HOOK3: variants seen among roughly 807,000 people sequenced by gnomAD.
HOOK3 encodes protein Hook homolog 3.
In HOOK3, 24 loss-of-function variants were observed where a neutral mutation model predicts 116.3. That is an observed-to-expected ratio of 0.21 (90% CI 0.15 to 0.29). HOOK3 has a LOEUF of 0.29. Among genes scored for constraint, HOOK3 ranks in the 10% least tolerant of loss-of-function variants. The probability of loss-of-function intolerance (pLI) is 1.00; values close to 1 mark genes in which losing one functional copy is unlikely to be tolerated. For missense variants in HOOK3, 632 were observed against 830.2 expected (o/e 0.76, Z 2.93); for synonymous variants, 275 against 283.0 (o/e 0.97, Z 0.28).
Position 42,973,315 on chromosome 8 carries a change from C to A in HOOK3, c.1149C>A (p.Ser383=), listed in dbSNP as rs374489492. ...RQVVELQNRL[S]EESKKADKLD... ...TAGTAGAACTACAAAACAGATTATCCGAAGAATCAAAGAAAGCAGATAAAC... is the reference window on the plus strand; with the variant it reads ...TAGTAGAACTACAAAACAGATTATCAGAAGAATCAAAGAAAGCAGATAAAC... Residue 383 remains serine (S), a synonymous_variant, in exon 12 of 22, where the codon TCC becomes TCA. Transcript: ENST00000307602. 2 of 1,610,382 alleles carry A rather than the reference C, an allele frequency of 1.2e-6. No homozygotes were observed.
At chr8:42,960,860 G>A (rs557719700) in intron 8 of HOOK3, among the ~76,000 whole-genome samples, 1 of 152,168 alleles carries the variant, frequency 6.6e-6, no homozygotes, top group African/African-American at 2.4e-5. Flanking sequence ...TGTGTACTAG[G>A]CAGTTTTTGT....
intron 3 of HOOK3, among the ~76,000 whole-genome samples, chr8:42,927,669 G>C (rs2130360680): frequency 6.6e-6 from 1 of 151,974 alleles, no homozygotes; most frequent in East Asian, 1.9e-4. Context: ...TAGTGGCACA[G>C]TCTCAGCTCA....
intron 21 of HOOK3, among the ~76,000 whole-genome samples, chr8:43,016,758 A>T (rs1441596797): frequency 6.6e-6 from 1 of 152,268 alleles, no homozygotes; most frequent in Non-Finnish European, 1.5e-5. Flanking sequence ...ATATTTGTCA[A>T]TTTTATTCAA....
chr8:42,909,391 A>G (rs536024469), intron 2 of HOOK3, among the ~76,000 whole-genome samples: 10 of 152,390 alleles, frequency 6.6e-5, no homozygotes, highest in East Asian at 1.9e-4. Context: ...TGGAAGCAAC[A>G]TAAGTGCCTA....
intron 11 of HOOK3, among the ~76,000 whole-genome samples, chr8:42,969,561 G>C (rs190857298): frequency 9.0e-4 from 137 of 152,296 alleles, no homozygotes; most frequent in Admixed American, 2.5e-3. Flanking sequence ...GGCCTCAGAG[G>C]CTACAGTGAG....
intron 4 of HOOK3, among the ~76,000 whole-genome samples, chr8:42,934,225 CCTT>C (rs1286719908): frequency 2.0e-5 from 3 of 152,006 alleles, no homozygotes; most frequent in African/African-American, 7.2e-5. Context: ...TGATTATACA[CCTT>C]CTTCTAGCTT....
At chr8:42,946,419 A>G (rs967736135) in intron 5 of HOOK3, among the ~76,000 whole-genome samples, 1 of 152,226 alleles carries the variant, frequency 6.6e-6, no homozygotes, top group Non-Finnish European at 1.5e-5. Context: ...TAATTGGAGT[A>G]TAGTGAGAAA....
intron 1 of HOOK3, among the ~76,000 whole-genome samples, chr8:42,905,295 CT>C (rs757313100): frequency 0.024 from 1,446 of 60,736 alleles, 12 homozygotes; most frequent in Middle Eastern, 0.045. Context: ...GGACATAGTT[CT>C]TTTTTTTTTT....
At chr8:42,938,038 G>A (rs1171703444) in intron 4 of HOOK3, among the ~76,000 whole-genome samples, 1 of 152,072 alleles carries the variant, frequency 6.6e-6, no homozygotes, top group Non-Finnish European at 1.5e-5. Flanking sequence ...CTCTTTATAG[G>A]TCTCTAAGAA....
chr8:42,961,946 C>T (rs1808541417), intron 8 of HOOK3, among the ~76,000 whole-genome samples: 1 of 152,010 alleles, frequency 6.6e-6, no homozygotes, highest in Non-Finnish European at 1.5e-5. Flanking sequence ...GCCACCACAC[C>T]CAGCTAATTC....
chr8:42,927,974 C>A (rs1326486932), intron 3 of HOOK3, among the ~76,000 whole-genome samples: 1 of 152,014 alleles, frequency 6.6e-6, no homozygotes, highest in African/African-American at 2.4e-5. Flanking sequence ...TGGTGAATCC[C>A]CGTTTCTAGT....
intron 4 of HOOK3, 61 bp from the exon 5 acceptor site, chr8:42,943,252 T>G: frequency 2.7e-6 from 1 of 375,598 alleles, no homozygotes; most frequent in Non-Finnish European, 3.9e-6. Flanking sequence ...CTCGATCAAG[T>G]TTTTTTTTTT....
At chr8:43,013,213 C>T in intron 20 of HOOK3, 58 bp downstream of exon 20, 1 of 1,437,844 alleles carries the variant, frequency 7.0e-7, no homozygotes, top group Non-Finnish European at 9.5e-7. Flanking sequence ...GTTTTGGGAG[C>T]CTTGTTATAT....
chr8:42,901,330 A>G (rs1044836996), intron 1 of HOOK3, among the ~76,000 whole-genome samples: 15 of 152,316 alleles, frequency 9.8e-5, no homozygotes, highest in Middle Eastern at 3.4e-3. Flanking sequence ...TTTCAGTTTT[A>G]TTGTACTGCT....
intron 15 of HOOK3, among the ~76,000 whole-genome samples, chr8:42,996,293 C>T (rs1045229889): frequency 8.1e-5 from 12 of 148,562 alleles, no homozygotes; most frequent in Admixed American, 1.4e-4. Flanking sequence ...GGCTGAGGCA[C>T]GAGGATTGCT....
intron 16 of HOOK3, 140 bp from the exon 17 acceptor site, chr8:43,001,967 T>C: frequency 3.5e-6 from 2 of 579,402 alleles, no homozygotes; most frequent in Non-Finnish European, 3.2e-6. Flanking sequence ...CTGGGGTACA[T>C]TGTGTGTTTT....
chr8:42,922,087 T>A (rs969751684), intron 2 of HOOK3, among the ~76,000 whole-genome samples: 1 of 152,208 alleles, frequency 6.6e-6, no homozygotes, highest in Non-Finnish European at 1.5e-5. Context: ...CTCCCTTTCT[T>A]ACACCATGCA....
At position 43,027,521 on chromosome 8, in the gene HOOK3, A is replaced by C. The variant is rs1160570578; in HGVS notation, c.*9023A>C. The stretch of plus-strand genomic sequence containing the variant: ...TTTGCATGAGAAGCTCATCTAGAAG[A>C]GAGCAACGCTGGAATAGAGAAGTCT... On this transcript the variant is annotated 3_prime_UTR_variant, in exon 22 of 22. Coordinates refer to ENST00000307602, the MANE Select transcript of HOOK3 (RefSeq NM_032410.4). The C allele has an allele frequency of 3.5e-5, 13 of 374,330 alleles. No homozygotes were observed. Among genetic ancestry groups the C allele is most frequent in the Admixed American group, 2.7e-4 (7 of 25,524 alleles). The allele number at this position is 374,330 out of a possible 1,614,324, so 23.2% of individuals were successfully genotyped here. A position where few individuals can be genotyped will look rare whatever the true frequency, so the allele number is the denominator to read the frequency against.
In HOOK3 at chr8:43,021,318, C is replaced by G. The variant is rs1809824536; in HGVS notation, c.*2820C>G. The G allele has an allele frequency of 5.3e-6, 1 of 189,738 alleles. No homozygotes were observed. Among genetic ancestry groups the G allele is most frequent in the Admixed American group, 6.2e-5 (1 of 16,170 alleles). The allele number at this position is 189,738 out of a possible 1,614,324, so 11.8% of individuals were successfully genotyped here. A position where few individuals can be genotyped will look rare whatever the true frequency, so the allele number is the denominator to read the frequency against. On this transcript the variant is annotated 3_prime_UTR_variant, in exon 22 of 22. Coordinates refer to ENST00000307602, the MANE Select transcript of HOOK3 (RefSeq NM_032410.4). The stretch of plus-strand genomic sequence containing the variant: ...AGTTTTACTTCTGACTTTTTTTTCC[C>G]CCCGAGACGGAGCCTCGTTCCGTCA...
Sources: allele counts gnomAD v4.1 joint callset (sites outside exome capture counted in the v4.1 genomes callset), GRCh38; gene constraint gnomAD v4.1.1; transcripts MANE v1.5; gene names NCBI Gene and HGNC (gene_info 2026-07-23, HGNC 2026-07-21).